NELL1: variants seen among roughly 807,000 people sequenced by gnomAD.
NELL1 encodes the protein protein kinase C-binding protein NELL1.
A neutral mutation model predicts 107.4 loss-of-function variants in NELL1; 76 were observed. The observed-to-expected ratio is 0.71, with a 90% CI of 0.59 to 0.86. The LOEUF (loss-of-function observed/expected upper bound fraction) is 0.86, where lower values mean the gene tolerates loss of function less well. Ranked by LOEUF, NELL1 falls within the 40% of genes least tolerant of loss-of-function variation. The pLI is 0.00. For synonymous variants in NELL1, 353 were observed against 341.2 expected (o/e 1.03, Z -0.38); for missense variants, 1,024 against 1,005.5 (o/e 1.02, Z -0.25).
intron 3 of NELL1, among the ~76,000 whole-genome samples, chr11:20,795,850 A>T (rs1857159202): frequency 6.6e-6 from 1 of 152,154 alleles, no homozygotes; most frequent in Non-Finnish European, 1.5e-5. Flanking sequence ...TCATGGTGGA[A>T]ATAACTTTCT....
At chr11:21,284,274 T>A (rs1219892149) in intron 14 of NELL1, 1 of 457,148 alleles carries the variant, frequency 2.2e-6, no homozygotes, top group Admixed American at 2.3e-5. Flanking sequence ...GATGTAGACA[T>A]CCTAGTTGTT....
At chr11:20,967,033 TTTTG>T (rs1328209793) in intron 12 of NELL1, among the ~76,000 whole-genome samples, 1 of 152,118 alleles carries the variant, frequency 6.6e-6, no homozygotes, top group African/African-American at 2.4e-5. Context: ...AATAGCACTG[TTTTG>T]TTTTTGTTTT....
At chr11:21,319,248 T>C (rs1260214696) in intron 14 of NELL1, among the ~76,000 whole-genome samples, 1 of 151,722 alleles carries the variant, frequency 6.6e-6, no homozygotes, top group Admixed American at 6.6e-5. Context: ...TGATCTCGGC[T>C]CACTGCAACT....
intron 4 of NELL1, among the ~76,000 whole-genome samples, chr11:20,880,205 T>G (rs909850630): frequency 4.6e-5 from 7 of 152,232 alleles, no homozygotes; most frequent in African/African-American, 1.4e-4. Context: ...TTCTTTTAAC[T>G]GTAAATTCAA....
At chr11:21,125,129 A>G (rs957573139) in intron 13 of NELL1, among the ~76,000 whole-genome samples, 2 of 152,296 alleles carry the variant, frequency 1.3e-5, no homozygotes, top group East Asian at 3.9e-4. Flanking sequence ...GTCCTACCAC[A>G]CTACCTCTCA....
At chr11:21,214,541 T>C (rs938462904) in intron 13 of NELL1, among the ~76,000 whole-genome samples, 1 of 152,076 alleles carries the variant, frequency 6.6e-6, no homozygotes, top group Non-Finnish European at 1.5e-5. Context: ...AGTGACAACA[T>C]CAGGTGTCAG....
At chr11:21,454,457 C>T (rs1034866587) in intron 15 of NELL1, among the ~76,000 whole-genome samples, 1 of 152,094 alleles carries the variant, frequency 6.6e-6, no homozygotes, top group Non-Finnish European at 1.5e-5. Flanking sequence ...TTATCTTTCC[C>T]CCATTCTAGC....
At chr11:20,684,343 T>G (rs1854257782) in intron 2 of NELL1, among the ~76,000 whole-genome samples, 1 of 152,130 alleles carries the variant, frequency 6.6e-6, no homozygotes, top group Non-Finnish European at 1.5e-5. Flanking sequence ...TTTTGATCAT[T>G]TCCATTGTTA....
At chr11:20,904,620 G>C (rs1483145498) in intron 5 of NELL1, among the ~76,000 whole-genome samples, 2 of 152,106 alleles carry the variant, frequency 1.3e-5, no homozygotes, top group African/African-American at 4.8e-5. Flanking sequence ...AGGGCAAGAG[G>C]TAAGGTCAGA....
chr11:21,162,358 A>G (rs1856391537), intron 13 of NELL1, among the ~76,000 whole-genome samples: 1 of 152,192 alleles, frequency 6.6e-6, no homozygotes, highest in Non-Finnish European at 1.5e-5. Context: ...AGCTAAGTGG[A>G]GCAAGGATTG....
At chr11:20,706,867 C>G (rs910932189) in intron 2 of NELL1, among the ~76,000 whole-genome samples, 23 of 152,228 alleles carry the variant, frequency 1.5e-4, no homozygotes, top group African/African-American at 5.3e-4. Flanking sequence ...TGGAGTTGCT[C>G]TTCTCAAGGA....
chr11:21,483,436 A>C (rs1005249955), intron 15 of NELL1, among the ~76,000 whole-genome samples: 1 of 152,134 alleles, frequency 6.6e-6, no homozygotes, highest in African/African-American at 2.4e-5. Context: ...AACTAAATGA[A>C]CTGCTACACA....
At chr11:20,925,007 A>G (rs900713663) in intron 7 of NELL1, among the ~76,000 whole-genome samples, 6 of 152,208 alleles carry the variant, frequency 3.9e-5, no homozygotes, top group Non-Finnish European at 7.3e-5. Flanking sequence ...ATGTTTAGAC[A>G]TTGTATTACT....
At chr11:21,228,892 A>T (rs567167851) in intron 13 of NELL1, among the ~76,000 whole-genome samples, 1 of 151,802 alleles carries the variant, frequency 6.6e-6, no homozygotes, top group Admixed American at 6.6e-5. Flanking sequence ...GCTTAGCAGC[A>T]TTCCTGGCCT....
chr11:20,927,268 T>C (rs1169609013), intron 7 of NELL1, 40 bp from the exon 8 acceptor site: 2 of 1,576,400 alleles, frequency 1.3e-6, no homozygotes, highest in Admixed American at 2.0e-5. Context: ...GATGATGCAA[T>C]TGAATTACAG....
At chr11:21,553,422 G>C (rs1856637286) in intron 16 of NELL1, among the ~76,000 whole-genome samples, 1 of 151,780 alleles carries the variant, frequency 6.6e-6, no homozygotes, top group Non-Finnish European at 1.5e-5. Context: ...TTAATTCTAA[G>C]AAATGCATTT....
intron 12 of NELL1, among the ~76,000 whole-genome samples, chr11:21,084,174 G>A (rs927850450): frequency 2.6e-5 from 4 of 152,136 alleles, no homozygotes; most frequent in African/African-American, 4.8e-5. Context: ...CACGATTGCC[G>A]TTGCAGATAA....
At chr11:20,694,804 T>C (rs1854571375) in intron 2 of NELL1, among the ~76,000 whole-genome samples, 1 of 152,072 alleles carries the variant, frequency 6.6e-6, no homozygotes, top group Non-Finnish European at 1.5e-5. Context: ...CATTTTAGTG[T>C]AGGTTTTTTT....
chr11:21,150,288 T>C (rs996933796), intron 13 of NELL1, among the ~76,000 whole-genome samples: 5 of 152,156 alleles, frequency 3.3e-5, no homozygotes, highest in African/African-American at 1.2e-4. Context: ...GCATCCACCG[T>C]ATATTACTCA....
Sources: allele counts gnomAD v4.1 joint callset (sites outside exome capture counted in the v4.1 genomes callset), GRCh38; gene constraint gnomAD v4.1.1; transcripts MANE v1.5; gene names NCBI Gene and HGNC (gene_info 2026-07-23, HGNC 2026-07-21).